MIIP: variants seen among roughly 807,000 people sequenced by gnomAD.
The protein encoded by MIIP is migration and invasion-inhibitory protein.
In MIIP, 44 loss-of-function variants were observed where a neutral mutation model predicts 44.8. The observed-to-expected ratio is 0.98, with a 90% CI of 0.77 to 1.26. The LOEUF is 1.26. Among genes scored for constraint, MIIP ranks in the 50% most tolerant of loss-of-function variants. The probability of loss-of-function intolerance (pLI) is 0.00; values close to 1 mark genes in which losing one functional copy is unlikely to be tolerated. For missense variants in MIIP, 496 were observed against 511.7 expected, an observed-to-expected ratio of 0.97 and a Z score of 0.30; for synonymous variants, 225 against 218.3, an observed-to-expected ratio of 1.03 and a Z score of -0.27.
chr1:12,025,029 T>C (rs917400938), intron 4 of MIIP, among the ~76,000 whole-genome samples: 4 of 36,518 alleles, frequency 1.1e-4, no homozygotes, highest in Non-Finnish European at 2.1e-4. Context: ...ATTCCCTTCC[T>C]TTTTTTTTTT....
At chr1:12,021,904 C>A (rs1639984468) in intron 2 of MIIP, 64 bp downstream of exon 2, 1 of 1,397,366 alleles carries the variant, frequency 7.2e-7, no homozygotes, top group Admixed American at 2.3e-5. Flanking sequence ...AGCATCCAGG[C>A]TTCTGGGCTC....
At chr1:12,024,556 G>A (rs1036906335) in intron 4 of MIIP, among the ~76,000 whole-genome samples, 1 of 152,116 alleles carries the variant, frequency 6.6e-6, no homozygotes, top group African/African-American at 2.4e-5. Context: ...TGGGATTACA[G>A]GTGCCTGCCA....
chr1:12,022,181 A>G lies in MIIP; in HGVS notation c.201A>G (p.Pro67=), dbSNP rs777305334. ...CAACTTCCTTGAGCACCTCCTGCCC[A>G]CGGGGCCGGTCCTCCGTGTGGGGCC... The part of the protein sequence containing the change: ...TSSTSLSTSC[P]RGRSSVWGPP... The change falls in exon 3 of 10, where the codon CCA becomes CCG. Residue 67 remains proline (P), a synonymous_variant. Transcript: ENST00000235332. 3 of 1,613,658 alleles carry G rather than the reference A, an allele frequency of 1.9e-6. No individual in the cohort carries two copies. The highest frequency in any genetic ancestry group is 2.5e-6 in the Non-Finnish European group (3 of 1,179,858).
Position 12,029,153 on chromosome 1 carries a change from C to CGGGCGAGGGT in MIIP, c.656+22_656+31dup, listed in dbSNP as rs1376126309. On this transcript the variant is annotated intron_variant, in intron 5 of 9. Coordinates refer to ENST00000235332, the MANE Select transcript of MIIP (RefSeq NM_021933.4). ...TGCAGCCATCCTGAGTGAGCAGGGG[C>CGGGCGAGGGT]GGGCGAGGGTGGGCGAGGGCGGCTG... is the stretch of plus-strand genomic sequence containing the variant. The CGGGCGAGGGT allele has an allele frequency of 1.2e-5, 19 of 1,527,934 alleles. No homozygotes were observed. The highest frequency in any genetic ancestry group is 9.0e-5 in the East Asian group (4 of 44,276). The allele number at this position is 1,527,934 out of a possible 1,614,324, so 94.6% of individuals were successfully genotyped here. A position where few individuals can be genotyped will look rare whatever the true frequency, so the allele number is the denominator to read the frequency against.
intron 1 of MIIP, among the ~76,000 whole-genome samples, chr1:12,021,022 G>T (rs1403018928): frequency 6.6e-6 from 1 of 152,020 alleles, no homozygotes; most frequent in African/African-American, 2.4e-5. Context: ...ATGGCTCACT[G>T]CAGCCTGGGT....
At chr1:12,024,586 GTATT>G (rs569726642) in intron 4 of MIIP, among the ~76,000 whole-genome samples, 2 of 152,162 alleles carry the variant, frequency 1.3e-5, no homozygotes, top group South Asian at 4.2e-4. Context: ...GCTAATTTTT[GTATT>G]TTTAGTAGAG....
chr1:12,025,098 C>T (rs1640077655), intron 4 of MIIP, among the ~76,000 whole-genome samples: 1 of 138,258 alleles, frequency 7.2e-6, no homozygotes, highest in African/African-American at 2.8e-5. Context: ...CGCACTGTGT[C>T]TCCCAGGCTG....
At chr1:12,031,112 G>A in intron 8 of MIIP, 154 bp from the exon 9 acceptor site, 1 of 876,206 alleles carries the variant, frequency 1.1e-6, no homozygotes, top group Non-Finnish European at 1.7e-6. Flanking sequence ...ATAAGAAAGG[G>A]GAGAGCTGGG....
intron 4 of MIIP, among the ~76,000 whole-genome samples, chr1:12,025,944 C>T (rs1286400988): frequency 1.3e-5 from 2 of 151,658 alleles, no homozygotes; most frequent in Non-Finnish European, 2.9e-5. Context: ...GTGATCTGCC[C>T]GCCTTGGCCT....
intron 4 of MIIP, 142 bp downstream of exon 4, chr1:12,023,059 CTTTT>C (rs869060053): frequency 6.3e-3 from 2,209 of 350,408 alleles, no homozygotes; most frequent in East Asian, 7.3e-3. Context: ...GGAGCACCCT[CTTTT>C]TTTTTTTTTT....
At chr1:12,022,948 T>G (rs758618701) in intron 4 of MIIP, 31 bp downstream of exon 4, 5 of 1,555,066 alleles carry the variant, frequency 3.2e-6, no homozygotes, top group East Asian at 2.3e-5. Flanking sequence ...GCACACACTT[T>G]GCCTGGGAGT....
At chr1:12,021,401 A>C (rs1010969284) in intron 1 of MIIP, among the ~76,000 whole-genome samples, 12 of 152,194 alleles carry the variant, frequency 7.9e-5, no homozygotes, top group South Asian at 2.1e-4. Context: ...CTCAAAAAAA[A>C]AAAACAAAAA....
At chr1:12,019,923 TCAAA>T (rs1639933901) in intron 1 of MIIP, among the ~76,000 whole-genome samples, 1 of 152,154 alleles carries the variant, frequency 6.6e-6, no homozygotes. Flanking sequence ...GTCCTGCGGA[TCAAA>T]CAGTTGGCCC....
chr1:12,022,871 G>C lies in MIIP; in HGVS notation c.501G>C (p.Lys167Asn), dbSNP rs778959736. The C allele has an allele frequency of 6.2e-7, 1 of 1,610,250 alleles. No individual in the cohort carries two copies. The highest frequency in any genetic ancestry group is 8.5e-7 in the Non-Finnish European group (1 of 1,178,140). ...TCTCTGAGGAGTCTGCAGTTCCTAAGAGGAGCTGGCGCCTCAGGCCATACC... is the reference window on the plus strand; with the variant it reads ...TCTCTGAGGAGTCTGCAGTTCCTAACAGGAGCTGGCGCCTCAGGCCATACC... ...VTFSEESAVPKRSWRLRPYLG... is the reference protein window; with the variant it reads ...VTFSEESAVPNRSWRLRPYLG... The change falls in exon 4 of 10, where the codon AAG (lysine) becomes AAC (asparagine). Residue 167 changes from lysine to asparagine, a missense_variant. Coordinates refer to ENST00000235332, the MANE Select transcript of MIIP (RefSeq NM_021933.4).
intron 2 of MIIP, 62 bp from the exon 3 acceptor site, chr1:12,022,033 G>A: frequency 6.5e-7 from 1 of 1,547,230 alleles, no homozygotes; most frequent in Non-Finnish European, 8.8e-7. Flanking sequence ...TTGGTGCCTG[G>A]CGTAGGCCCG....
chr1:12,029,023 C>G lies in MIIP; in HGVS notation c.548-10C>G. 1 of 1,605,796 alleles carries G rather than the reference C, an allele frequency of 6.2e-7. No individual in the cohort carries two copies. Among genetic ancestry groups the G allele is most frequent in the Non-Finnish European group, 8.5e-7 (1 of 1,172,534 alleles). ...CTCCCGTCAGCTGCCTGGTGCTTTG[C>G]CCACACCAGGGTCTCTGGACACCAG... On this transcript the variant is annotated splice_polypyrimidine_tract_variant and intron_variant, in intron 4 of 9. Transcript: ENST00000235332.
chr1:12,022,709 G>C (rs1640009255), intron 3 of MIIP, 124 bp from the exon 4 acceptor site: 1 of 784,094 alleles, frequency 1.3e-6, no homozygotes. Flanking sequence ...TGTGCCCTTG[G>C]CTGAGCCCTG....
chr1:12,020,942 T>A (rs1028781794), intron 1 of MIIP, among the ~76,000 whole-genome samples: 4 of 152,146 alleles, frequency 2.6e-5, no homozygotes, highest in Non-Finnish European at 5.9e-5. Flanking sequence ...TGCCTCAGCC[T>A]CCCAAAGTGC....
chr1:12,022,353 C>T lies in MIIP; in HGVS notation c.373C>T (p.Pro125Ser). 1 of 1,613,700 alleles carries T rather than the reference C, an allele frequency of 6.2e-7. No individual in the cohort carries two copies. Among genetic ancestry groups the T allele is most frequent in the Non-Finnish European group, 8.5e-7 (1 of 1,179,962 alleles). The change falls in exon 3 of 10, where the codon CCA becomes TCA. Residue 125 changes from proline (P) to serine (S), a missense_variant. Transcript: ENST00000235332. ...GCTGGGCACCTCAAGCCTGAGGGACCCAGAGCCCTCAGGGAGGCTGGGTGA... is the reference window on the plus strand; with the variant it reads ...GCTGGGCACCTCAAGCCTGAGGGACTCAGAGCCCTCAGGGAGGCTGGGTGA... Reference protein sequence around the residue: ...PSLGTSSLRDPEPSGRLGDPG... With the variant: ...PSLGTSSLRDSEPSGRLGDPG...
Sources: allele counts gnomAD v4.1 joint callset (sites outside exome capture counted in the v4.1 genomes callset), GRCh38; gene constraint gnomAD v4.1.1; transcripts MANE v1.5; gene names NCBI Gene and HGNC (gene_info 2026-07-23, HGNC 2026-07-21).